Variants in ADAMTSL1 observed in about 807,000 individuals in gnomAD.
ADAMTSL1 encodes the protein ADAMTS like 1.
ADAMTSL1 carries 126 observed loss-of-function variants against 201.8 expected under a neutral mutation model. That is an observed-to-expected ratio of 0.62 (90% confidence interval 0.54 to 0.72). The LOEUF (loss-of-function observed/expected upper bound fraction) is 0.72, where lower values mean the gene tolerates loss of function less well. Ranked by LOEUF, ADAMTSL1 falls within the 30% of genes least tolerant of loss-of-function variation. ADAMTSL1 has a pLI of 0.00. For missense variants in ADAMTSL1, 2,679 were observed against 2,277.8 expected (o/e 1.18, Z -3.59); for synonymous variants, 1,121 against 903.4 (o/e 1.24, Z -4.32).
intron 2 of ADAMTSL1, among the ~76,000 whole-genome samples, chr9:18,375,570 G>A (rs1349809870): frequency 1.3e-5 from 2 of 152,140 alleles, no homozygotes; most frequent in East Asian, 3.9e-4. Flanking sequence ...CTCCTTCTGT[G>A]TCTGGAGTTG....
intron 1 of ADAMTSL1, among the ~76,000 whole-genome samples, chr9:18,152,663 A>G (rs1018595413): frequency 6.6e-6 from 1 of 151,952 alleles, no homozygotes; most frequent in African/African-American, 2.4e-5. Flanking sequence ...GAAGGAGGAT[A>G]TGATCATAAG....
At chr9:18,457,961 T>C (rs1820670365) in intron 2 of ADAMTSL1, among the ~76,000 whole-genome samples, 1 of 152,208 alleles carries the variant, frequency 6.6e-6, no homozygotes, top group Non-Finnish European at 1.5e-5. Flanking sequence ...GTTATACCTG[T>C]GTGTATGATC....
At chr9:18,824,452 C>T (rs567964480) in intron 21 of ADAMTSL1, among the ~76,000 whole-genome samples, 16 of 152,204 alleles carry the variant, frequency 1.1e-4, no homozygotes, top group Non-Finnish European at 2.1e-4. Flanking sequence ...AAGTCTCCAC[C>T]CACTTTCGGT....
intron 4 of ADAMTSL1, among the ~76,000 whole-genome samples, chr9:18,611,087 A>G (rs968209711): frequency 2.0e-5 from 3 of 152,208 alleles, no homozygotes; most frequent in African/African-American, 7.2e-5. Context: ...TGTCTTCTCA[A>G]CAAAGGACTC....
chr9:18,818,870 G>A (rs1303468453), intron 21 of ADAMTSL1, among the ~76,000 whole-genome samples: 1 of 152,088 alleles, frequency 6.6e-6, no homozygotes, highest in African/African-American at 2.4e-5. Flanking sequence ...AGCTTCTCAT[G>A]GCCTTTGTGA....
At chr9:18,436,924 G>T (rs1305187305) in intron 2 of ADAMTSL1, among the ~76,000 whole-genome samples, 1 of 152,114 alleles carries the variant, frequency 6.6e-6, no homozygotes, top group Non-Finnish European at 1.5e-5. Flanking sequence ...GGAGGGAAAA[G>T]TTGACCCACC....
At chr9:18,036,784 A>C (rs182688869) in intron 1 of ADAMTSL1, among the ~76,000 whole-genome samples, 3 of 152,290 alleles carry the variant, frequency 2.0e-5, no homozygotes, top group Admixed American at 6.5e-5. Flanking sequence ...TTCAGACCAC[A>C]TTATTGAGAT....
At position 18,777,312 on chromosome 9, in the gene ADAMTSL1, T is replaced by TGCTGGAGCAGGGCG; in HGVS notation, c.3089_3102dup (p.Pro1035SerfsTer43). 6.2e-7 allele frequency: 1 copy of TGCTGGAGCAGGGCG among 1,603,580 alleles called. No individual in the cohort carries two copies. The highest frequency in any genetic ancestry group is 8.5e-7 in the Non-Finnish European group (1 of 1,175,244). ...CGCTACGACGACCTCGTCTCCCGGC[T>TGCTGGAGCAGGGCG]GCTGGAGCAGGGCGGCTGGCCCGGA... is the stretch of plus-strand genomic sequence containing the variant. On this transcript the variant is annotated frameshift_variant, in exon 19 of 29. Coordinates refer to ENST00000380548, the MANE Select transcript of ADAMTSL1 (RefSeq NM_001040272.6). LOFTEE classifies it high-confidence loss of function.
At chr9:18,890,859 G>T in intron 25 of ADAMTSL1, 1 of 297,660 alleles carries the variant, frequency 3.4e-6, no homozygotes, top group Admixed American at 4.6e-5. Flanking sequence ...AAATGAAGAA[G>T]AGATCTTTGA....
chr9:18,416,101 C>T (rs780951661), intron 2 of ADAMTSL1, among the ~76,000 whole-genome samples: 12 of 151,946 alleles, frequency 7.9e-5, no homozygotes, highest in African/African-American at 2.2e-4. Flanking sequence ...TATGGAGCTA[C>T]AGAAAGGAAT....
intron 2 of ADAMTSL1, among the ~76,000 whole-genome samples, chr9:18,529,458 G>A (rs1819302278): frequency 1.3e-5 from 2 of 151,980 alleles, no homozygotes; most frequent in African/African-American, 4.8e-5. Context: ...CCAATCCCTG[G>A]TTCACTTTTC....
At chr9:18,216,611 T>A (rs546526368) in intron 2 of ADAMTSL1, among the ~76,000 whole-genome samples, 18 of 150,992 alleles carry the variant, frequency 1.2e-4, no homozygotes, top group African/African-American at 3.9e-4. Context: ...ACATAACAGA[T>A]TTGGGCACGC....
intron 1 of ADAMTSL1, among the ~76,000 whole-genome samples, chr9:18,128,157 T>C (rs1825814476): frequency 6.6e-6 from 1 of 152,308 alleles, no homozygotes; most frequent in African/African-American, 2.4e-5. Context: ...ATGCAAACTC[T>C]CAAATGCATG....
At chr9:18,134,104 C>T (rs1465371228) in intron 1 of ADAMTSL1, among the ~76,000 whole-genome samples, 2 of 152,138 alleles carry the variant, frequency 1.3e-5, no homozygotes, top group Non-Finnish European at 2.9e-5. Flanking sequence ...CCCATTAAGC[C>T]ATATCTGTGC....
intron 2 of ADAMTSL1, among the ~76,000 whole-genome samples, chr9:18,528,535 T>A (rs532240938): frequency 1.4e-4 from 21 of 152,272 alleles, no homozygotes; most frequent in African/African-American, 5.1e-4. Flanking sequence ...AGGGGCATGA[T>A]CTTGTTCTTT....
At chr9:17,996,271 A>G (rs1325105143) in intron 1 of ADAMTSL1, among the ~76,000 whole-genome samples, 1 of 151,936 alleles carries the variant, frequency 6.6e-6, no homozygotes, top group Non-Finnish European at 1.5e-5. Flanking sequence ...CAACCGCTGT[A>G]TTAATTATCA....
chr9:18,297,234 C>T (rs903284470), intron 2 of ADAMTSL1, among the ~76,000 whole-genome samples: 3 of 152,072 alleles, frequency 2.0e-5, no homozygotes, highest in Non-Finnish European at 2.9e-5. Flanking sequence ...ACTTACTGCA[C>T]AGTATTAAAG....
At chr9:17,928,658 C>G (rs1351655856) in intron 1 of ADAMTSL1, among the ~76,000 whole-genome samples, 1 of 152,040 alleles carries the variant, frequency 6.6e-6, no homozygotes, top group African/African-American at 2.4e-5. Context: ...ACCTGTAATC[C>G]CAGTACTTTG....
chr9:18,858,874 A>G (rs1588252218), intron 23 of ADAMTSL1, among the ~76,000 whole-genome samples: 1 of 152,194 alleles, frequency 6.6e-6, no homozygotes, highest in Admixed American at 6.5e-5. Flanking sequence ...CCTCTAATAT[A>G]TGTGCAAATA....
Sources: allele counts gnomAD v4.1 joint callset (sites outside exome capture counted in the v4.1 genomes callset), GRCh38; gene constraint gnomAD v4.1.1; transcripts MANE v1.5; gene names NCBI Gene and HGNC (gene_info 2026-07-23, HGNC 2026-07-21).